Variants in RSU1 observed in about 807,000 individuals in gnomAD.
The protein encoded by RSU1 is Ras suppressor protein 1.
A neutral mutation model predicts 31.1 loss-of-function variants in RSU1; 26 were observed. That is an observed-to-expected ratio of 0.84 (90% CI 0.61 to 1.16). The LOEUF (loss-of-function observed/expected upper bound fraction) is 1.16, where lower values mean the gene tolerates loss of function less well. Among genes scored for constraint, RSU1 ranks in the 50% most tolerant of loss-of-function variants. The pLI, the probability that RSU1 is intolerant of heterozygous loss-of-function variation, is 0.00. For missense variants in RSU1, 320 were observed against 339.1 expected (o/e 0.94, Z 0.44); for synonymous variants, 164 against 136.3 (o/e 1.20, Z -1.41).
intron 7 of RSU1, among the ~76,000 whole-genome samples, chr10:16,717,259 G>C (rs186196313): frequency 6.6e-6 from 1 of 152,146 alleles, no homozygotes; most frequent in South Asian, 2.1e-4. Context: ...TGGAGATGGT[G>C]AGTGTGCAGA....
At chr10:16,806,491 C>A (rs1276145350) in intron 2 of RSU1, among the ~76,000 whole-genome samples, 1 of 152,136 alleles carries the variant, frequency 6.6e-6, no homozygotes, top group Non-Finnish European at 1.5e-5. Context: ...TGTTTCCTTA[C>A]CTATTAACTA....
chr10:16,614,353 C>T (rs887525017), intron 8 of RSU1, among the ~76,000 whole-genome samples: 5 of 151,156 alleles, frequency 3.3e-5, no homozygotes, highest in East Asian at 1.9e-4. Context: ...GGATGGTGAC[C>T]GGAGGCTGGA....
chr10:16,751,155 C>A (rs1443593031), intron 7 of RSU1, among the ~76,000 whole-genome samples: 1 of 152,100 alleles, frequency 6.6e-6, no homozygotes, highest in Non-Finnish European at 1.5e-5. Flanking sequence ...CTGGGAGCCA[C>A]CGTGCCCGGC....
At chr10:16,794,493 C>T (rs963886926) in intron 2 of RSU1, among the ~76,000 whole-genome samples, 1 of 152,296 alleles carries the variant, frequency 6.6e-6, no homozygotes, top group South Asian at 2.1e-4. Flanking sequence ...ATTTTTCTAG[C>T]ATAAACTATT....
intron 8 of RSU1, among the ~76,000 whole-genome samples, chr10:16,663,698 G>A (rs73603132): frequency 0.034 from 5,181 of 152,222 alleles, 288 homozygotes; most frequent in African/African-American, 0.12. Flanking sequence ...AGTTTCACAT[G>A]TGATCACCAA....
intron 7 of RSU1, among the ~76,000 whole-genome samples, chr10:16,709,054 T>G (rs1029235438): frequency 6.6e-6 from 1 of 152,048 alleles, no homozygotes; most frequent in African/African-American, 2.4e-5. Context: ...AATGTGCAGG[T>G]TACATATGTA....
intron 2 of RSU1, among the ~76,000 whole-genome samples, chr10:16,808,485 G>GAA (rs34449677): frequency 6.5e-4 from 58 of 89,614 alleles, no homozygotes; most frequent in African/African-American, 1.5e-3. Flanking sequence ...CTCCATTTAA[G>GAA]AAAAAAAAAA....
chr10:16,621,901 A>C (rs1240315357), intron 8 of RSU1, among the ~76,000 whole-genome samples: 2 of 152,216 alleles, frequency 1.3e-5, no homozygotes, highest in African/African-American at 2.4e-5. Context: ...ATAGCAAATT[A>C]AACCTAGTTT....
At chr10:16,782,140 A>G (rs1474886199) in intron 2 of RSU1, 56 bp from the exon 3 acceptor site, 1 of 1,408,086 alleles carries the variant, frequency 7.1e-7, no homozygotes, top group Non-Finnish European at 1.0e-6. Flanking sequence ...CTGTATCCGG[A>G]TTCTACCTGT....
chr10:16,702,424 A>G (rs1427681541), intron 7 of RSU1, among the ~76,000 whole-genome samples: 2 of 152,246 alleles, frequency 1.3e-5, no homozygotes, highest in South Asian at 2.1e-4. Flanking sequence ...CGCCAGCCCA[A>G]TAGAGCAGTC....
At chr10:16,785,255 G>A (rs566853963) in intron 2 of RSU1, among the ~76,000 whole-genome samples, 24 of 151,976 alleles carry the variant, frequency 1.6e-4, no homozygotes, top group Non-Finnish European at 2.8e-4. Flanking sequence ...CTGGATGCTC[G>A]CTGCCCTCGA....
chr10:16,736,346 A>G (rs1298091188), intron 7 of RSU1, among the ~76,000 whole-genome samples: 1 of 152,174 alleles, frequency 6.6e-6, no homozygotes, highest in Non-Finnish European at 1.5e-5. Flanking sequence ...ACAGAACTAG[A>G]AAACACTCAC....
chr10:16,779,970 C>G (rs1352718993), intron 3 of RSU1, among the ~76,000 whole-genome samples: 1 of 151,866 alleles, frequency 6.6e-6, no homozygotes, highest in East Asian at 1.9e-4. Flanking sequence ...TGGATTAGGT[C>G]AAGAGTGTCT....
At position 16,743,608 on chromosome 10, in the gene RSU1, T is replaced by C. The variant is rs560010639; in HGVS notation, c.598+8931A>G. ...ACAGTTTACAATTCCATAAAGAACATCCTTGTCACTTACTGCTCTATCTAT... is the reference window on the plus strand; with the variant it reads ...ACAGTTTACAATTCCATAAAGAACACCCTTGTCACTTACTGCTCTATCTAT... On this transcript the variant is annotated intron_variant, in intron 7 of 8. Transcript: ENST00000345264. 6.4e-4 allele frequency among the ~76,000 whole-genome samples: 97 copies of C among 152,272 alleles called. 1 individual carries two copies. The South Asian group carries it at 0.011, about 17-fold the overall frequency.
At chr10:16,723,946 A>G (rs1836332471) in intron 7 of RSU1, among the ~76,000 whole-genome samples, 1 of 151,974 alleles carries the variant, frequency 6.6e-6, no homozygotes, top group South Asian at 2.1e-4. Context: ...ATGCCTTTTT[A>G]TTTATTTTTT....
At chr10:16,724,520 T>G (rs1836343496) in intron 7 of RSU1, among the ~76,000 whole-genome samples, 1 of 152,136 alleles carries the variant, frequency 6.6e-6, no homozygotes, top group South Asian at 2.1e-4. Context: ...AGCCATTGGC[T>G]AAAGGGCTAA....
chr10:16,787,831 T>C (rs1174564676), intron 2 of RSU1, among the ~76,000 whole-genome samples: 2 of 152,230 alleles, frequency 1.3e-5, no homozygotes, highest in Admixed American at 1.3e-4. Context: ...TATGTCTTTA[T>C]TAGCAGTGTG....
intron 2 of RSU1, among the ~76,000 whole-genome samples, chr10:16,796,720 G>A (rs7069089): frequency 2.7e-5 from 4 of 147,328 alleles, no homozygotes; most frequent in Non-Finnish European, 4.5e-5. Flanking sequence ...AGGAAAAAGT[G>A]TAGGTGCAGG....
chr10:16,728,569 T>G (rs7097523), intron 7 of RSU1, among the ~76,000 whole-genome samples: 16,901 of 152,222 alleles, frequency 0.11, 2,326 homozygotes, highest in African/African-American at 0.33. Context: ...TTACTATGTG[T>G]GGGAGGCGGG....
Sources: gnomAD v4.1 joint callset for allele counts (sites outside exome capture counted in the v4.1 genomes callset) on GRCh38, gnomAD v4.1.1 for gene constraint, MANE v1.5 for transcripts, NCBI Gene and HGNC (gene_info 2026-07-23, HGNC 2026-07-21) for gene names.